Variants in RBFOX1 observed in about 807,000 individuals in gnomAD.
RBFOX1 encodes the protein RNA binding protein fox-1 homolog 1.
In RBFOX1, 8 loss-of-function variants were observed where a neutral mutation model predicts 57.7. That is an observed-to-expected ratio of 0.14 (90% CI 0.08 to 0.25). RBFOX1 has a LOEUF of 0.25. Ranked by LOEUF, RBFOX1 falls within the 10% of genes least tolerant of loss-of-function variation. The probability of loss-of-function intolerance (pLI) is 1.00; values close to 1 mark genes in which losing one functional copy is unlikely to be tolerated. For missense variants in RBFOX1, 611 were observed against 548.5 expected (o/e 1.11, Z -1.14); for synonymous variants, 326 against 222.4 (o/e 1.47, Z -4.15).
At chr16:6,198,327 A>G (rs1307173377) in intron 1 of RBFOX1, among the ~76,000 whole-genome samples, 2 of 152,234 alleles carry the variant, frequency 1.3e-5, no homozygotes, top group Non-Finnish European at 2.9e-5. Flanking sequence ...TGATGACAAG[A>G]TACATTCAAG....
chr16:6,442,280 G>A (rs547605449), intron 2 of RBFOX1, among the ~76,000 whole-genome samples: 15 of 152,228 alleles, frequency 9.9e-5, no homozygotes, highest in Admixed American at 7.2e-4. Context: ...ACTGTTGGCC[G>A]TGCACGGTGG....
chr16:5,713,739 G>A (rs2051580256), intron 3 of RBFOX1, among the ~76,000 whole-genome samples: 1 of 152,174 alleles, frequency 6.6e-6, no homozygotes, highest in Non-Finnish European at 1.5e-5. Flanking sequence ...GCATCACAGA[G>A]AGACTCATGC....
chr16:6,984,879 G>C (rs1384565186), intron 3 of RBFOX1, among the ~76,000 whole-genome samples: 1 of 152,022 alleles, frequency 6.6e-6, no homozygotes, highest in African/African-American at 2.4e-5. Flanking sequence ...GACCTCAGCT[G>C]ATCCACCTGC....
chr16:7,589,603 T>G (rs2094329004), intron 7 of RBFOX1, among the ~76,000 whole-genome samples: 1 of 151,844 alleles, frequency 6.6e-6, no homozygotes, highest in Non-Finnish European at 1.5e-5. Flanking sequence ...AGCTGACTGT[T>G]TAGGTACTGC....
At chr16:5,597,438 G>A (rs546693174) in intron 2 of RBFOX1, among the ~76,000 whole-genome samples, 3 of 135,282 alleles carry the variant, frequency 2.2e-5, no homozygotes, top group East Asian at 2.2e-4. Flanking sequence ...TGATCTCGTC[G>A]CTCAGGCTGG....
At chr16:7,368,511 G>T (rs2147151944) in intron 4 of RBFOX1, among the ~76,000 whole-genome samples, 1 of 152,064 alleles carries the variant, frequency 6.6e-6, no homozygotes, top group Non-Finnish European at 1.5e-5. Context: ...GGGAACAGTG[G>T]CTCACACCTG....
chr16:5,776,359 A>G lies in RBFOX1; in HGVS notation c.319-90944A>G, dbSNP rs952425580. On this transcript the variant is annotated intron_variant, in intron 3 of 19. Transcript: ENST00000641259. ...TCTTTTTTGGCACAGAGTTGTTTGC[A>G]GAATGTTGCATTCCTTCAGCAGCAT... Among the ~76,000 whole-genome samples, 5 of 152,310 alleles carry G rather than the reference A, an allele frequency of 3.3e-5. No individual in the cohort carries two copies. The East Asian group carries it at 9.7e-4, about 29-fold the overall frequency.
chr16:7,379,412 G>T (rs1282402092), intron 4 of RBFOX1, among the ~76,000 whole-genome samples: 4 of 152,300 alleles, frequency 2.6e-5, no homozygotes, highest in African/African-American at 9.6e-5. Context: ...ACACTTGTGT[G>T]CAATGGAATA....
rs558164202 is a variant in RBFOX1 at position 7,457,043 on chromosome 16, A to G, written c.28-61104A>G. On this transcript the variant is annotated intron_variant, in intron 4 of 15. Coordinates refer to ENST00000550418, the MANE Select transcript of RBFOX1 (RefSeq NM_018723.4). ...GCTGGGATTGCAGGCACGCACCACC[A>G]CGCCCGGCTAATTTTGTATTTTTAG... is the stretch of plus-strand genomic sequence containing the variant. 1.4e-3 allele frequency among the ~76,000 whole-genome samples: 207 copies of G among 151,932 alleles called. 1 individual carries two copies. Among genetic ancestry groups the G allele is most frequent in the African/African-American group, 4.9e-3 (201 of 41,422 alleles).
intron 2 of RBFOX1, among the ~76,000 whole-genome samples, chr16:5,541,550 A>C (rs940109202): frequency 2.0e-5 from 3 of 152,138 alleles, no homozygotes; most frequent in African/African-American, 7.2e-5. Context: ...CATTCTCTTG[A>C]GTTTCTGATT....
chr16:7,512,205 T>G (rs549310028), intron 4 of RBFOX1, among the ~76,000 whole-genome samples: 1 of 152,338 alleles, frequency 6.6e-6, no homozygotes, highest in Non-Finnish European at 1.5e-5. Flanking sequence ...TGCCTGTCAC[T>G]GTCCCCTACA....
At chr16:6,875,765 G>A (rs1324833735) in intron 3 of RBFOX1, among the ~76,000 whole-genome samples, 1 of 152,148 alleles carries the variant, frequency 6.6e-6, no homozygotes, top group Non-Finnish European at 1.5e-5. Context: ...AGCACTTTGG[G>A]AGGCCATGAC....
intron 1 of RBFOX1, among the ~76,000 whole-genome samples, chr16:5,341,639 G>T (rs772543157): frequency 6.6e-6 from 1 of 152,160 alleles, no homozygotes; most frequent in Non-Finnish European, 1.5e-5. Context: ...TTGGTTTAAT[G>T]CTCTGCTTTT....
chr16:7,319,711 C>T (rs1473909606), intron 4 of RBFOX1, among the ~76,000 whole-genome samples: 4 of 152,152 alleles, frequency 2.6e-5, no homozygotes, highest in African/African-American at 7.2e-5. Context: ...TTAGCAATTA[C>T]ATCAACATCC....
At chr16:6,921,206 A>C (rs1013259599) in intron 3 of RBFOX1, among the ~76,000 whole-genome samples, 5 of 152,184 alleles carry the variant, frequency 3.3e-5, no homozygotes, top group Admixed American at 6.5e-5. Flanking sequence ...TCTGTGTTAC[A>C]AATTACCCAC....
chr16:7,373,151 T>C (rs2097602839), intron 4 of RBFOX1, among the ~76,000 whole-genome samples: 1 of 152,054 alleles, frequency 6.6e-6, no homozygotes, highest in Non-Finnish European at 1.5e-5. Context: ...CCAGGATGGT[T>C]ATCGCTCTCC....
At chr16:5,796,354 T>C (rs954683998) in intron 3 of RBFOX1, among the ~76,000 whole-genome samples, 2 of 152,116 alleles carry the variant, frequency 1.3e-5, no homozygotes, top group African/African-American at 2.4e-5. Flanking sequence ...GAATCAGGAA[T>C]GAGTTGCTCA....
At chr16:6,438,659 G>T (rs1356629622) in intron 2 of RBFOX1, among the ~76,000 whole-genome samples, 1 of 152,170 alleles carries the variant, frequency 6.6e-6, no homozygotes, top group Non-Finnish European at 1.5e-5. Flanking sequence ...GGTTGGCGTT[G>T]TTTGGTCACA....
intron 2 of RBFOX1, among the ~76,000 whole-genome samples, chr16:6,620,926 C>G (rs1009935947): frequency 6.6e-6 from 1 of 152,274 alleles, no homozygotes; most frequent in South Asian, 2.1e-4. Context: ...TGGCTTAAAA[C>G]AACAAAATTT....
Sources: allele counts gnomAD v4.1 joint callset (sites outside exome capture counted in the v4.1 genomes callset), GRCh38; gene constraint gnomAD v4.1.1; transcripts MANE v1.5; gene names NCBI Gene and HGNC (gene_info 2026-07-23, HGNC 2026-07-21).